The following HSP90B1 variants were observed in gnomAD, a reference collection of about 807,000 sequenced individuals.
HSP90B1 encodes the protein heat shock protein 90 beta family member 1.
Under a neutral mutation model 100.4 loss-of-function variants are expected in HSP90B1, and 27 were observed. The ratio of observed to expected loss-of-function variants is 0.27; its 90% CI spans 0.20 to 0.37. The LOEUF is 0.37. HSP90B1 is among the 10% of genes least tolerant of loss of function. HSP90B1 has a pLI of 1.00. For synonymous variants in HSP90B1, 304 were observed against 330.8 expected (o/e 0.92, Z 0.88); for missense variants, 678 against 960.5 (o/e 0.71, Z 3.89).
intron 16 of HSP90B1, 73 bp downstream of exon 16, chr12:103,947,014 A>C: frequency 6.8e-7 from 1 of 1,467,212 alleles, no homozygotes; most frequent in Non-Finnish European, 9.3e-7. Context: ...TAGGCCTCTC[A>C]TGATTGAGGG....
Position 103,937,761 on chromosome 12 carries a change from A to G in HSP90B1, c.810A>G (p.Lys270=), listed in dbSNP as rs745579143. 8.4e-5 allele frequency: 134 copies of G among 1,591,148 alleles called. No individual in the cohort carries two copies. Among genetic ancestry groups the G allele is most frequent in the Non-Finnish European group, 1.2e-4 (134 of 1,160,458 alleles). Residue 270 remains lysine, a synonymous_variant, in exon 6 of 18, where the codon AAA becomes AAG. Coordinates refer to ENST00000299767, the MANE Select transcript of HSP90B1 (RefSeq NM_003299.3). ...ELDTIKNLVK[K]YSQFINFPIY... ...ATACAATTAAAAATCTCGTCAAAAAATATTCACAGTTCATAAACTTTCCTA... is the reference window on the plus strand; with the variant it reads ...ATACAATTAAAAATCTCGTCAAAAAGTATTCACAGTTCATAAACTTTCCTA...
intron 14 of HSP90B1, among the ~76,000 whole-genome samples, chr12:103,945,421 T>A (rs147315055): frequency 1.3e-5 from 2 of 152,284 alleles, no homozygotes; most frequent in East Asian, 3.9e-4. Flanking sequence ...AGCTTTAAAC[T>A]AGAGAAGAGA....
chr12:103,932,090 G>A, intron 2 of HSP90B1, 187 bp from the exon 3 acceptor site: 1 of 532,222 alleles, frequency 1.9e-6, no homozygotes, highest in Non-Finnish European at 3.3e-6. Flanking sequence ...AGTATTTCCA[G>A]TGTAATGTTA....
In HSP90B1 at chr12:103,939,718, T is replaced by C. The variant is rs748158481; in HGVS notation, c.1092+93T>C. On this transcript the variant is annotated intron_variant, in intron 8 of 17. Coordinates refer to ENST00000299767, the MANE Select transcript of HSP90B1 (RefSeq NM_003299.3). ...ATTGTATATGGTATGTGACCATGAA[T>C]ATGAGATGGTCCATTCCCATTTTTT... 1.3e-4 allele frequency: 78 copies of C among 597,430 alleles called. 1 individual carries two copies. Among genetic ancestry groups the C allele is most frequent in the Admixed American group, 3.2e-4 (10 of 31,618 alleles). 37.0% of individuals were successfully genotyped at this position (597,430 alleles called of 1,614,324 possible). A position where few individuals can be genotyped will look rare whatever the true frequency, so the allele number is the denominator to read the frequency against.
chr12:103,932,132 G>A, intron 2 of HSP90B1, 145 bp from the exon 3 acceptor site: 2 of 584,694 alleles, frequency 3.4e-6, no homozygotes, highest in Non-Finnish European at 5.9e-6. Flanking sequence ...AACATAATGA[G>A]ACGGTATATC....
intron 14 of HSP90B1, 146 bp downstream of exon 14, chr12:103,944,020 G>C (rs1319493180): frequency 3.1e-6 from 2 of 652,222 alleles, no homozygotes; most frequent in African/African-American, 1.8e-5. Context: ...AGTTTACGAA[G>C]GGATTTCTCC....
intron 3 of HSP90B1, 105 bp downstream of exon 3, chr12:103,932,523 G>A: frequency 1.0e-6 from 1 of 967,964 alleles, no homozygotes; most frequent in East Asian, 2.5e-5. Context: ...CAAGTAAGTA[G>A]GTAACAACCT....
rs772484547 is a variant in HSP90B1, at chr12:103,947,684, T to A, written c.*22T>A. 2 of 1,585,486 alleles carry A rather than the reference T, an allele frequency of 1.3e-6. No individual in the cohort carries two copies. Among genetic ancestry groups the A allele is most frequent in the Non-Finnish European group, 1.7e-6 (2 of 1,154,270 alleles). On this transcript the variant is annotated 3_prime_UTR_variant, in exon 18 of 18. Coordinates refer to ENST00000299767, the MANE Select transcript of HSP90B1 (RefSeq NM_003299.3). ...GTAAATTATACTCTCACCATTTGGA[T>A]CCTGTGTGGAGAGGGAATGTGAAAT...
In HSP90B1 at chr12:103,932,874, A is replaced by G. The variant is rs1869807855; in HGVS notation, c.343A>G (p.Ile115Val). ...ISNASDALDK[I>V]RLISLTDENA... Reference sequence around the variant, plus strand: ...AAATGCTTCTGATGCTTTAGATAAGATAAGGCTAATATCACTGACTGATGA... The same window carrying G: ...AAATGCTTCTGATGCTTTAGATAAGGTAAGGCTAATATCACTGACTGATGA... Residue 115 changes from isoleucine to valine, a missense_variant, in exon 4 of 18, where the codon ATA becomes GTA. Coordinates refer to ENST00000299767, the MANE Select transcript of HSP90B1 (RefSeq NM_003299.3). 2 of 1,607,116 alleles carry G rather than the reference A, an allele frequency of 1.2e-6. No individual in the cohort carries two copies. The highest frequency in any genetic ancestry group is 8.5e-7 in the Non-Finnish European group (1 of 1,173,848).
rs1869711600 is a variant in HSP90B1 at position 103,930,499 on chromosome 12, C to CTCACCGGCCGCACGCCATGAGGG, written c.-16_7dup. ...TCCTGCGATCGAAGGGGACTTGAGA[C>CTCACCGGCCGCACGCCATGAGGG]TCACCGGCCGCACGCCATGAGGGCC... On this transcript the variant is annotated 5_prime_UTR_variant, in exon 1 of 18. It adds an upstream start codon to the 5' untranslated region. Transcript: ENST00000299767. The surrounding 1 kb of genome is among the most constrained non-coding windows in gnomAD (Gnocchi z 4.4). 6.2e-7 allele frequency: 1 copy of CTCACCGGCCGCACGCCATGAGGG among 1,601,408 alleles called. No homozygotes were observed.
In HSP90B1 at chr12:103,930,462, G is replaced by A. The variant is rs570582307; in HGVS notation, c.-54G>A. The stretch of plus-strand genomic sequence containing the variant: ...TGAGGATCCGAACCCAGGGGTGGGG[G>A]GTGGAGGCGGCTCCTGCGATCGAAG... On this transcript the variant is annotated 5_prime_UTR_variant, in exon 1 of 18. Coordinates refer to ENST00000299767, the MANE Select transcript of HSP90B1 (RefSeq NM_003299.3). This position sits in a 1 kb window ranked among gnomAD's most constrained non-coding sequence, Gnocchi z 4.4. 3 of 1,540,602 alleles carry A rather than the reference G, an allele frequency of 1.9e-6. No individual in the cohort carries two copies. The highest frequency in any genetic ancestry group is 2.4e-5 in the East Asian group (1 of 41,100).
rs945592200 is a variant in HSP90B1, at chr12:103,943,498, T to G, written c.1890+179T>G. Reference sequence around the variant, plus strand: ...ACTTTCGACAATACTGCTTTGTTAATAACTTGTTACAAATTAAATTTTATG... The same window carrying G: ...ACTTTCGACAATACTGCTTTGTTAAGAACTTGTTACAAATTAAATTTTATG... On this transcript the variant is annotated intron_variant, in intron 13 of 17. Transcript: ENST00000299767. The surrounding 1 kb of genome is among the most constrained non-coding windows in gnomAD (Gnocchi z 5.3). 1.6e-5 allele frequency: 11 copies of G among 697,188 alleles called. No homozygotes were observed. Among genetic ancestry groups the G allele is most frequent in the Non-Finnish European group, 2.6e-5 (11 of 429,614 alleles). 43.2% of individuals were successfully genotyped at this position (697,188 alleles called of 1,614,324 possible).
At chr12:103,934,565 T>G (rs1299214694) in intron 5 of HSP90B1, among the ~76,000 whole-genome samples, 1 of 152,240 alleles carries the variant, frequency 6.6e-6, no homozygotes, top group Non-Finnish European at 1.5e-5. Flanking sequence ...GAGGAGGCAC[T>G]GCTTGGTCAG....
At chr12:103,940,058 TC>T (rs1870029626) in intron 8 of HSP90B1, among the ~76,000 whole-genome samples, 2 of 152,314 alleles carry the variant, frequency 1.3e-5, no homozygotes, top group Admixed American at 1.3e-4. Flanking sequence ...TCCTTTTTAT[TC>T]CTGTGTATTT....
Position 103,932,354 on chromosome 12 carries a change from C to A in HSP90B1, c.230C>A (p.Ala77Asp), listed in dbSNP as rs865844557. 2.4e-5 allele frequency: 39 copies of A among 1,613,024 alleles called. No individual in the cohort carries two copies. The highest frequency in any genetic ancestry group is 3.3e-5 in the Non-Finnish European group (39 of 1,179,344). Reference sequence around the variant, plus strand: ...CTTAGAGAGAAGTCGGAAAAGTTTGCCTTCCAAGCCGAAGTTAACAGAATG... The same window carrying A: ...CTTAGAGAGAAGTCGGAAAAGTTTGACTTCCAAGCCGAAGTTAACAGAATG... ...RELREKSEKFAFQAEVNRMMK... is the reference protein window; with the variant it reads ...RELREKSEKFDFQAEVNRMMK... The change falls in exon 3 of 18, where the codon GCC (alanine) becomes GAC (aspartate). Residue 77 changes from alanine to aspartate, a missense_variant. Around this residue, in one of 8 missense-constraint regions of HSP90B1, gnomAD observed 88 missense variants for 88.2 expected, o/e 1.00. Coordinates refer to ENST00000299767, the MANE Select transcript of HSP90B1 (RefSeq NM_003299.3).
In HSP90B1 at chr12:103,947,845, G is replaced by T; in HGVS notation, c.*183G>T. On this transcript the variant is annotated 3_prime_UTR_variant, in exon 18 of 18. Transcript: ENST00000299767. Reference sequence around the variant, plus strand: ...TTGAATTTTTTTTAACATTCCTCATGAATGTAAATTTGTACTATTTAACTG... The same window carrying T: ...TTGAATTTTTTTTAACATTCCTCATTAATGTAAATTTGTACTATTTAACTG... 1.5e-6 allele frequency: 1 copy of T among 646,388 alleles called. No individual in the cohort carries two copies. The highest frequency in any genetic ancestry group is 1.8e-5 in the South Asian group (1 of 56,296). 40.0% of individuals were successfully genotyped at this position (646,388 alleles called of 1,614,324 possible).
chr12:103,938,748 G>A (rs1471924127), intron 7 of HSP90B1: 1 of 174,070 alleles, frequency 5.7e-6, no homozygotes, highest in Non-Finnish European at 1.2e-5. Flanking sequence ...AAAGCCTTCT[G>A]AGTCCTCTTT....
chr12:103,931,123 G>A (rs1869743045), intron 1 of HSP90B1, among the ~76,000 whole-genome samples: 1 of 152,322 alleles, frequency 6.6e-6, no homozygotes, highest in South Asian at 2.1e-4. Context: ...CTCGCCAGAG[G>A]TTGCATAAAT....
chr12:103,941,610 T>A lies in HSP90B1; in HGVS notation c.1231-19T>A, dbSNP rs772675674. 1 of 1,606,860 alleles carries A rather than the reference T, an allele frequency of 6.2e-7. No individual in the cohort carries two copies. The highest frequency in any genetic ancestry group is 1.7e-5 in the Admixed American group (1 of 59,616). ...GAAAGTTTAATTTCCAGAAAGTGAC[T>A]TTTTTTTGGTCTCTTTAGCTCTATG... is the stretch of plus-strand genomic sequence containing the variant. On this transcript the variant is annotated intron_variant, in intron 9 of 17. Transcript: ENST00000299767.
Sources: gnomAD v4.1 joint callset for allele counts (sites outside exome capture counted in the v4.1 genomes callset) on GRCh38, gnomAD v4.1.1 for gene constraint, gnomAD v4.1.1 regional missense constraint, Gnocchi (gnomAD v3.1) non-coding constraint, MANE v1.5 for transcripts, NCBI Gene and HGNC (gene_info 2026-07-23, HGNC 2026-07-21) for gene names.